MACROD2: variants seen among roughly 807,000 people sequenced by gnomAD.
MACROD2 encodes mono-ADP ribosylhydrolase 2.
In MACROD2, 36 loss-of-function variants were observed where a neutral mutation model predicts 70.4. That is an observed-to-expected ratio of 0.51 (90% CI 0.39 to 0.68). MACROD2 has a LOEUF of 0.68. MACROD2 is among the 30% of genes least tolerant of loss of function. The pLI is 0.00. For missense variants in MACROD2, 496 were observed against 538.4 expected (o/e 0.92, Z 0.78); for synonymous variants, 172 against 178.8 (o/e 0.96, Z 0.30).
At chr20:14,698,792 T>G (rs1447687415) in intron 5 of MACROD2, among the ~76,000 whole-genome samples, 3 of 149,136 alleles carry the variant, frequency 2.0e-5, no homozygotes, top group Non-Finnish European at 4.5e-5. Flanking sequence ...ATAATTACAT[T>G]TAATTATTTT....
At chr20:15,119,273 C>T (rs2076013820) in intron 5 of MACROD2, among the ~76,000 whole-genome samples, 1 of 152,114 alleles carries the variant, frequency 6.6e-6, no homozygotes, top group Non-Finnish European at 1.5e-5. Context: ...TATGTTGTAT[C>T]TTTTCCTTGG....
At chr20:15,012,215 G>A (rs1568530002) in intron 5 of MACROD2, among the ~76,000 whole-genome samples, 1 of 152,142 alleles carries the variant, frequency 6.6e-6, no homozygotes, top group Admixed American at 6.5e-5. Context: ...AAACCATCGT[G>A]AACAGTGAAA....
chr20:15,904,880 CA>C lies in MACROD2; in HGVS notation c.775+19093del, dbSNP rs10556594. ...TGCGCGAAAGAGAGAGACTCTGTCTCAAAAAAAAAAAAAAAAAAAAAAAAGA... is the reference window on the plus strand; with the variant it reads ...TGCGCGAAAGAGAGAGACTCTGTCTCAAAAAAAAAAAAAAAAAAAAAAAGA... On this transcript the variant is annotated intron_variant, in intron 10 of 17. Transcript: ENST00000684519. 4.8e-3 allele frequency among the ~76,000 whole-genome samples: 617 copies of C among 128,892 alleles called. 1 individual carries two copies. Among genetic ancestry groups the C allele is most frequent in the African/African-American group, 0.017 (566 of 32,920 alleles). The allele number at this position is 128,892 out of a possible 152,430, so 84.6% of individuals were successfully genotyped here. A position where few individuals can be genotyped will look rare whatever the true frequency, so the allele number is the denominator to read the frequency against.
chr20:15,869,236 TATAGAG>T (rs1425313460), intron 9 of MACROD2, among the ~76,000 whole-genome samples: 67 of 33,454 alleles, frequency 2.0e-3, no homozygotes, highest in African/African-American at 4.7e-3. Flanking sequence ...TATATATATA[TATAGAG>T]AGAGAGAGAG....
At chr20:14,371,423 A>G (rs1600170931) in intron 3 of MACROD2, among the ~76,000 whole-genome samples, 1 of 152,156 alleles carries the variant, frequency 6.6e-6, no homozygotes, top group Non-Finnish European at 1.5e-5. Flanking sequence ...CCAGGAGTTC[A>G]AAGCTGCAGT....
chr20:15,278,296 A>G (rs1022037864), intron 6 of MACROD2, among the ~76,000 whole-genome samples: 1 of 152,226 alleles, frequency 6.6e-6, no homozygotes, highest in African/African-American at 2.4e-5. Flanking sequence ...ATGAAATAAG[A>G]CCAAATGACA....
chr20:15,202,379 G>T (rs912541227), intron 5 of MACROD2, among the ~76,000 whole-genome samples: 1 of 152,064 alleles, frequency 6.6e-6, no homozygotes, highest in Admixed American at 6.6e-5. Flanking sequence ...TTACTATCAG[G>T]TTAAGAAAAG....
intron 5 of MACROD2, among the ~76,000 whole-genome samples, chr20:14,799,218 T>C (rs754684252): frequency 5.3e-5 from 8 of 152,072 alleles, no homozygotes; most frequent in Non-Finnish European, 8.8e-5. Flanking sequence ...GATTTTGATT[T>C]TGAAGAAATT....
chr20:15,562,237 C>A (rs2048254306), intron 8 of MACROD2, among the ~76,000 whole-genome samples: 1 of 152,098 alleles, frequency 6.6e-6, no homozygotes, highest in African/African-American at 2.4e-5. Context: ...CATCTTGGAG[C>A]AGCTACGTGA....
intron 12 of MACROD2, among the ~76,000 whole-genome samples, chr20:15,948,069 G>C (rs1292858478): frequency 6.6e-6 from 1 of 152,040 alleles, no homozygotes; most frequent in East Asian, 1.9e-4. Context: ...CCTGTTGAGA[G>C]GGGGGACTGA....
chr20:15,104,817 T>C (rs2075898967), intron 5 of MACROD2, among the ~76,000 whole-genome samples: 1 of 152,196 alleles, frequency 6.6e-6, no homozygotes, highest in African/African-American at 2.4e-5. Context: ...CCAATAGATA[T>C]TAGCTATTAA....
chr20:15,189,936 C>A (rs1243974943), intron 5 of MACROD2, among the ~76,000 whole-genome samples: 1 of 152,094 alleles, frequency 6.6e-6, no homozygotes, highest in Non-Finnish European at 1.5e-5. Context: ...ACCTTAGGTT[C>A]ATTTAATGAA....
At chr20:14,133,694 A>G (rs1237431396) in intron 3 of MACROD2, among the ~76,000 whole-genome samples, 1 of 152,224 alleles carries the variant, frequency 6.6e-6, no homozygotes, top group African/African-American at 2.4e-5. Context: ...ATATCTAACT[A>G]ACATTTTTGG....
intron 2 of MACROD2, among the ~76,000 whole-genome samples, chr20:14,035,774 C>T (rs1010268403): frequency 6.6e-6 from 1 of 152,142 alleles, no homozygotes; most frequent in Non-Finnish European, 1.5e-5. Flanking sequence ...CAAAATTATT[C>T]AGAGAAATGG....
intron 9 of MACROD2, among the ~76,000 whole-genome samples, chr20:15,874,438 G>A (rs953146307): frequency 6.6e-6 from 1 of 152,008 alleles, no homozygotes; most frequent in Non-Finnish European, 1.5e-5. Context: ...CCAGTAGTGG[G>A]GTGGCTGGGT....
intron 4 of MACROD2, among the ~76,000 whole-genome samples, chr20:14,495,201 G>A (rs2084840274): frequency 6.6e-6 from 1 of 152,086 alleles, no homozygotes; most frequent in Non-Finnish European, 1.5e-5. Context: ...TCATGTAAAG[G>A]TAGTCTAGAT....
At chr20:15,861,599 C>T (rs2064424932) in intron 8 of MACROD2, among the ~76,000 whole-genome samples, 1 of 152,160 alleles carries the variant, frequency 6.6e-6, no homozygotes, top group African/African-American at 2.4e-5. Flanking sequence ...TTCCAAGAGG[C>T]AGTCTACCCT....
chr20:15,829,649 C>A (rs1600961074), intron 8 of MACROD2, among the ~76,000 whole-genome samples: 1 of 152,108 alleles, frequency 6.6e-6, no homozygotes, highest in Non-Finnish European at 1.5e-5. Flanking sequence ...TAAACTTATT[C>A]ATTCATTCAT....
At chr20:14,838,796 T>G in intron 5 of MACROD2, among the ~76,000 whole-genome samples, 1 of 152,046 alleles carries the variant, frequency 6.6e-6, no homozygotes, top group East Asian at 1.9e-4. Flanking sequence ...TATTACAAAC[T>G]TAGTCATATC....
Sources: gnomAD v4.1 joint callset for allele counts (sites outside exome capture counted in the v4.1 genomes callset) on GRCh38, gnomAD v4.1.1 for gene constraint, MANE v1.5 for transcripts, NCBI Gene and HGNC (gene_info 2026-07-23, HGNC 2026-07-21) for gene names.